GDI2: variants seen among roughly 807,000 people sequenced by gnomAD.
The protein encoded by GDI2 is GDP dissociation inhibitor 2.
Under a neutral mutation model 54.2 loss-of-function variants are expected in GDI2, and 22 were observed. That is an observed-to-expected ratio of 0.41 (90% CI 0.29 to 0.58). The LOEUF (loss-of-function observed/expected upper bound fraction) is 0.58. Ranked by LOEUF, GDI2 falls within the 20% of genes least tolerant of loss-of-function variation. GDI2 has a pLI of 0.35. For synonymous variants in GDI2, 177 were observed against 182.1 expected (o/e 0.97, Z 0.23); for missense variants, 422 against 546.0 (o/e 0.77, Z 2.26).
intron 7 of GDI2, among the ~76,000 whole-genome samples, chr10:5,772,986 A>G (rs905299486): frequency 2.0e-5 from 3 of 152,104 alleles, no homozygotes; most frequent in African/African-American, 7.2e-5. Flanking sequence ...GCCTCTTAGG[A>G]TCCTTGTAAG....
At chr10:5,780,242 A>G (rs1425406030) in intron 6 of GDI2, among the ~76,000 whole-genome samples, 1 of 150,600 alleles carries the variant, frequency 6.6e-6, no homozygotes, top group African/African-American at 2.4e-5. Flanking sequence ...ACAAACAAAA[A>G]AACAGACCAA....
chr10:5,803,356 C>CCT (rs1841310144), intron 1 of GDI2, among the ~76,000 whole-genome samples: 2 of 151,972 alleles, frequency 1.3e-5, no homozygotes, highest in South Asian at 4.1e-4. Context: ...CCCATGAGGG[C>CCT]AAAGGTGCAG....
At chr10:5,787,674 C>G (rs1210491328) in intron 4 of GDI2, among the ~76,000 whole-genome samples, 1 of 152,194 alleles carries the variant, frequency 6.6e-6, no homozygotes, top group Non-Finnish European at 1.5e-5. Flanking sequence ...ACTTAAGACA[C>G]AAGTGTAGTT....
intron 1 of GDI2, among the ~76,000 whole-genome samples, 147 bp downstream of exon 1, chr10:5,813,049 GGCGCCCCTGAACCCGCCC>G (rs1292767034): frequency 6.6e-6 from 1 of 152,098 alleles, no homozygotes; most frequent in Non-Finnish European, 1.5e-5. Flanking sequence ...CGGGACGCGG[GGCGCCCCTGAACCCGCCC>G]GCGCCCCTAG....
At position 5,803,040 on chromosome 10, in the gene GDI2, T is replaced by C. The variant is rs920741576; in HGVS notation, c.46-2335A>G. ...CATGTCTGTGTGAGACCTGTTTTCA[T>C]ATACTTCAGCCTAGACAATATATCG... is the stretch of plus-strand genomic sequence containing the variant. On this transcript the variant is annotated intron_variant, in intron 1 of 10. Coordinates refer to ENST00000380191, the MANE Select transcript of GDI2 (RefSeq NM_001494.4). 3.3e-5 allele frequency among the ~76,000 whole-genome samples: 5 copies of C among 152,360 alleles called. No individual in the cohort carries two copies. In the South Asian group the frequency reaches 1.0e-3, roughly 32 times the overall value.
chr10:5,766,590 C>A lies in GDI2; in HGVS notation c.1040G>T (p.Gly347Val). ...ISFAHNVAAQ[G>V]KYIAIVSTTV... is the part of the protein sequence containing the mutation. ...TGTACTAACTATAGCAATGTACTTC[C>A]CTTGTGCTGCTACATTGTGCGCAAA... is the stretch of plus-strand genomic sequence containing the variant. The change falls in exon 9 of 11, where the codon GGG (glycine) becomes GTG (valine). Residue 347 changes from glycine (G) to valine (V), a missense_variant. Gly to Val is a moderately radical substitution (Grantham distance 109). Coordinates refer to ENST00000380191, the MANE Select transcript of GDI2 (RefSeq NM_001494.4). The surrounding 1 kb of genome is among the most constrained non-coding windows in gnomAD (Gnocchi z 5.8). 6.2e-7 allele frequency: 1 copy of A among 1,613,338 alleles called. No individual in the cohort carries two copies. Among genetic ancestry groups the A allele is most frequent in the Non-Finnish European group, 8.5e-7 (1 of 1,179,234 alleles).
At chr10:5,789,539 G>T (rs1840961737) in intron 4 of GDI2, among the ~76,000 whole-genome samples, 1 of 151,998 alleles carries the variant, frequency 6.6e-6, no homozygotes, top group East Asian at 1.9e-4. Context: ...CTCCTGCCTT[G>T]GCCTACCAAG....
chr10:5,780,262 A>G (rs945647257), intron 6 of GDI2, among the ~76,000 whole-genome samples: 2 of 150,782 alleles, frequency 1.3e-5, no homozygotes, highest in African/African-American at 4.9e-5. Flanking sequence ...AACTATAAAT[A>G]TAAGTGAACT....
chr10:5,791,726 G>A (rs1262340995), intron 4 of GDI2, among the ~76,000 whole-genome samples: 2 of 145,116 alleles, frequency 1.4e-5, no homozygotes, highest in Non-Finnish European at 3.0e-5. Flanking sequence ...GGCAACAAGA[G>A]CGAAACTCCG....
intron 4 of GDI2, 115 bp from the exon 5 acceptor site, chr10:5,786,165 A>T (rs993132997): frequency 3.6e-4 from 137 of 385,510 alleles, no homozygotes; most frequent in Middle Eastern, 7.2e-4. Context: ...GCAGGATGCA[A>T]TTTTTTTTTT....
In GDI2 at chr10:5,813,424, A is replaced by C; in HGVS notation, c.-166T>G. On this transcript the variant is annotated 5_prime_UTR_variant, in exon 1 of 11. Coordinates refer to ENST00000380191, the MANE Select transcript of GDI2 (RefSeq NM_001494.4). The stretch of plus-strand genomic sequence containing the variant: ...AGACCGACCGCCACCTCAGACGGGA[A>C]GAGAAGAACTGGGCGGGGAGAGGAG... 2.9e-6 allele frequency: 1 copy of C among 342,860 alleles called. No homozygotes were observed. The highest frequency in any genetic ancestry group is 2.6e-5 in the South Asian group (1 of 37,958). 21.2% of individuals were successfully genotyped at this position (342,860 alleles called of 1,614,324 possible).
rs749909436 is a variant in GDI2 at position 5,766,062 on chromosome 10, C to T, written c.1282G>A (p.Glu428Lys). The T allele has an allele frequency of 4.4e-6, 7 of 1,599,384 alleles. No homozygotes were observed. The highest frequency in any genetic ancestry group is 5.1e-6 in the Non-Finnish European group (6 of 1,176,236). ...CGCTTCATTTCCTCAAAGTCAAACT[C>T]TGATCCTGTCATCCTCTTATAGATG... ...KNIYKRMTGS[E>K]FDFEEMKRKK... The change falls in exon 11 of 11, where the codon GAG (glutamate) becomes AAG (lysine). Residue 428 changes from glutamate (E) to lysine (K), a missense_variant. Physicochemically the swap from Glu to Lys is moderately conservative, Grantham distance 56. Transcript: ENST00000380191. The surrounding 1 kb of genome is among the most constrained non-coding windows in gnomAD (Gnocchi z 5.8).
At chr10:5,807,402 T>A (rs1194960887) in intron 1 of GDI2, among the ~76,000 whole-genome samples, 2 of 152,206 alleles carry the variant, frequency 1.3e-5, no homozygotes, top group Non-Finnish European at 2.9e-5. Flanking sequence ...CCATCTATCA[T>A]GTACATCAAG....
rs1840310312 is a variant in GDI2, at chr10:5,765,795, T to C, written c.*211A>G. 8.6e-6 allele frequency: 4 copies of C among 465,682 alleles called. No homozygotes were observed. The highest frequency in any genetic ancestry group is 8.2e-5 in the Admixed American group (2 of 24,262). 28.8% of individuals were successfully genotyped at this position (465,682 alleles called of 1,614,324 possible). The stretch of plus-strand genomic sequence containing the variant: ...AAAAAAAAAAGCCAGTTTGGTTAAA[T>C]TGAACAGAATGTGGTAACTGCCAAT... On this transcript the variant is annotated 3_prime_UTR_variant, in exon 11 of 11. Coordinates refer to ENST00000380191, the MANE Select transcript of GDI2 (RefSeq NM_001494.4).
chr10:5,790,462 G>C (rs776907358), intron 4 of GDI2, among the ~76,000 whole-genome samples: 3 of 151,940 alleles, frequency 2.0e-5, no homozygotes, highest in Non-Finnish European at 2.9e-5. Context: ...TGACCAACAC[G>C]GTAAAACCCT....
intron 1 of GDI2, among the ~76,000 whole-genome samples, chr10:5,807,295 C>T (rs927013159): frequency 2.4e-4 from 36 of 152,154 alleles, no homozygotes; most frequent in Non-Finnish European, 1.6e-4. Flanking sequence ...AAATTAAATT[C>T]TACTACAACC....
intron 6 of GDI2, among the ~76,000 whole-genome samples, chr10:5,777,289 A>G (rs1297607629): frequency 6.6e-6 from 1 of 152,236 alleles, no homozygotes; most frequent in African/African-American, 2.4e-5. Flanking sequence ...CCTGGCCAAC[A>G]TGGTGAAACA....
intron 7 of GDI2, among the ~76,000 whole-genome samples, chr10:5,770,615 G>C (rs112941624): frequency 0.031 from 4,768 of 151,872 alleles, 162 homozygotes; most frequent in African/African-American, 0.088. Flanking sequence ...TGTGGTGGTT[G>C]TATAATGATG....
At chr10:5,781,213 C>T (rs578104153) in intron 6 of GDI2, among the ~76,000 whole-genome samples, 80 of 149,894 alleles carry the variant, frequency 5.3e-4, no homozygotes, top group African/African-American at 1.7e-3. Flanking sequence ...TCATCCCACA[C>T]ACCAACACTG....
Sources: gnomAD v4.1 joint callset for allele counts (sites outside exome capture counted in the v4.1 genomes callset) on GRCh38, gnomAD v4.1.1 for gene constraint, Gnocchi (gnomAD v3.1) non-coding constraint, MANE v1.5 for transcripts, NCBI Gene and HGNC (gene_info 2026-07-23, HGNC 2026-07-21) for gene names.